The following WDR64 variants were observed in gnomAD, a reference collection of about 807,000 sequenced individuals.
WDR64 encodes WD repeat-containing protein 64.
WDR64 carries 112 observed loss-of-function variants against 139.3 expected under a neutral mutation model. The observed-to-expected ratio is 0.80, with a 90% CI of 0.69 to 0.94. The LOEUF is 0.94. WDR64 is among the 40% of genes least tolerant of loss of function. WDR64 has a pLI of 0.00. For missense variants in WDR64, 1,206 were observed against 1,293.1 expected (o/e 0.93, Z 1.03); for synonymous variants, 444 against 437.7 (o/e 1.01, Z -0.18).
chr1:241,674,060 G>T (rs1666357612), intron 3 of WDR64, among the ~76,000 whole-genome samples: 1 of 151,802 alleles, frequency 6.6e-6, no homozygotes. Context: ...TGTGTAGGGG[G>T]TGGGTGGGTG....
At chr1:241,691,050 T>TGTAC (rs1363466402) in intron 8 of WDR64, among the ~76,000 whole-genome samples, 1 of 152,162 alleles carries the variant, frequency 6.6e-6, no homozygotes, top group Non-Finnish European at 1.5e-5. Flanking sequence ...TTAATATACT[T>TGTAC]GTACTGCCTG....
chr1:241,800,865 A>T (rs754408507), intron 27 of WDR64, among the ~76,000 whole-genome samples: 38 of 152,012 alleles, frequency 2.5e-4, no homozygotes, highest in Admixed American at 2.4e-3. Context: ...CCCTTTCCAC[A>T]CTGTGCAGCT....
intron 24 of WDR64, among the ~76,000 whole-genome samples, chr1:241,790,255 G>A (rs1488228550): frequency 1.3e-5 from 2 of 152,134 alleles, no homozygotes; most frequent in Admixed American, 6.6e-5. Context: ...GGAGGCTGAG[G>A]CACAAGAATT....
At chr1:241,750,747 C>G (rs550660685) in intron 14 of WDR64, among the ~76,000 whole-genome samples, 11 of 152,268 alleles carry the variant, frequency 7.2e-5, no homozygotes, top group African/African-American at 2.6e-4. Context: ...CATTTAGAAC[C>G]TGCAGATTGA....
rs1005791238 is a variant in WDR64 at position 241,779,858 on chromosome 1, A to G, written c.2537-146A>G. 5.3e-6 allele frequency: 3 copies of G among 567,046 alleles called. No homozygotes were observed. In the African/African-American group the frequency reaches 6.0e-5, roughly 11 times the overall value. The allele number at this position is 567,046 out of a possible 1,614,324, so 35.1% of individuals were successfully genotyped here. A position where few individuals can be genotyped will look rare whatever the true frequency, so the allele number is the denominator to read the frequency against. ...TAAATAAATAAATAAATAAAAATGAATATGAAATTTCTGCTTTCATTTCTG... is the reference window on the plus strand; with the variant it reads ...TAAATAAATAAATAAATAAAAATGAGTATGAAATTTCTGCTTTCATTTCTG... On this transcript the variant is annotated intron_variant, in intron 21 of 27. Coordinates refer to ENST00000437684, the MANE Select transcript of WDR64 (RefSeq NM_001367482.1).
chr1:241,757,451 C>T lies in WDR64; in HGVS notation c.1939C>T (p.Pro647Ser). 2 of 1,603,992 alleles carry T rather than the reference C, an allele frequency of 1.2e-6. No homozygotes were observed. The highest frequency in any genetic ancestry group is 2.2e-5 in the East Asian group (1 of 44,742). ...ELIVERNFSQ[P>S]TDNPTMDLLR... Reference sequence around the variant, plus strand: ...GATAGTTGAGAGGAACTTTTCTCAACCTACTGATGTAAGTTTCCTCTCTTG... The same window carrying T: ...GATAGTTGAGAGGAACTTTTCTCAATCTACTGATGTAAGTTTCCTCTCTTG... Residue 647 changes from proline (P) to serine (S), a missense_variant, in exon 15 of 28, where the codon CCT (proline) becomes TCT (serine). Physicochemically the swap from Pro to Ser is moderately conservative, Grantham distance 74. Transcript: ENST00000437684.
chr1:241,711,770 T>C (rs369626430), intron 8 of WDR64, 32 bp from the exon 9 acceptor site: 6 of 1,601,908 alleles, frequency 3.7e-6, no homozygotes, highest in South Asian at 1.1e-5. Context: ...AAGAAAAATA[T>C]ATATGTTTTC....
intron 14 of WDR64, among the ~76,000 whole-genome samples, chr1:241,756,386 G>A (rs557677380): frequency 1.3e-5 from 2 of 152,270 alleles, no homozygotes; most frequent in Non-Finnish European, 2.9e-5. Context: ...GTATAGGAAT[G>A]CTTGTGATTT....
chr1:241,657,791 T>C (rs1665667977), intron 1 of WDR64, among the ~76,000 whole-genome samples: 1 of 152,184 alleles, frequency 6.6e-6, no homozygotes, highest in South Asian at 2.1e-4. Context: ...ATACATATAA[T>C]AAAGCCCATA....
intron 23 of WDR64, among the ~76,000 whole-genome samples, chr1:241,787,569 G>A (rs556801888): frequency 3.3e-5 from 5 of 151,342 alleles, no homozygotes; most frequent in African/African-American, 1.2e-4. Context: ...GGAAGCTGAG[G>A]CAGGAGAATC....
At chr1:241,698,066 C>A in intron 8 of WDR64, among the ~76,000 whole-genome samples, 1 of 152,168 alleles carries the variant, frequency 6.6e-6, no homozygotes, top group East Asian at 1.9e-4. Context: ...ACTAATGAAA[C>A]CCAAGCTATC....
intron 10 of WDR64, among the ~76,000 whole-genome samples, 164 bp downstream of exon 10, chr1:241,723,600 C>T (rs1342366388): frequency 6.6e-6 from 1 of 152,096 alleles, no homozygotes; most frequent in Non-Finnish European, 1.5e-5. Context: ...AATGTTCTCT[C>T]TTTCTATTGA....
chr1:241,721,127 G>T (rs1261809779), intron 9 of WDR64, among the ~76,000 whole-genome samples: 1 of 152,080 alleles, frequency 6.6e-6, no homozygotes, highest in South Asian at 2.1e-4. Flanking sequence ...TTATTTCTGA[G>T]ATCTCTATTA....
intron 4 of WDR64, chr1:241,677,167 T>TA: frequency 2.5e-6 from 1 of 393,958 alleles, no homozygotes; most frequent in Non-Finnish European, 4.5e-6. Flanking sequence ...AGTAAGAAAT[T>TA]AAAAATTCAA....
intron 15 of WDR64, among the ~76,000 whole-genome samples, chr1:241,760,550 A>C (rs1670388783): frequency 6.6e-6 from 1 of 150,894 alleles, no homozygotes; most frequent in Non-Finnish European, 1.5e-5. Flanking sequence ...TATCTTCCTA[A>C]TATCTAATAT....
intron 13 of WDR64, among the ~76,000 whole-genome samples, chr1:241,745,842 G>A (rs996648748): frequency 2.6e-5 from 4 of 152,044 alleles, no homozygotes; most frequent in African/African-American, 4.8e-5. Flanking sequence ...TGGTCTCCTC[G>A]CATTACTACC....
At chr1:241,751,422 T>A (rs1403074115) in intron 14 of WDR64, among the ~76,000 whole-genome samples, 1 of 151,966 alleles carries the variant, frequency 6.6e-6, no homozygotes, top group African/African-American at 2.4e-5. Context: ...CCAACCTCTA[T>A]CTCTCTATCT....
intron 10 of WDR64, among the ~76,000 whole-genome samples, chr1:241,732,947 A>G (rs984744417): frequency 1.3e-5 from 2 of 152,140 alleles, no homozygotes; most frequent in African/African-American, 4.8e-5. Flanking sequence ...AATCAAAACA[A>G]CCCTCACTTC....
At chr1:241,699,601 G>A (rs1667631228) in intron 8 of WDR64, among the ~76,000 whole-genome samples, 1 of 152,138 alleles carries the variant, frequency 6.6e-6, no homozygotes, top group African/African-American at 2.4e-5. Flanking sequence ...GGGGAACTGA[G>A]GAAGGCTTCC....
Sources: allele counts gnomAD v4.1 joint callset (sites outside exome capture counted in the v4.1 genomes callset), GRCh38; gene constraint gnomAD v4.1.1; transcripts MANE v1.5; gene names NCBI Gene and HGNC (gene_info 2026-07-23, HGNC 2026-07-21).